Variants in LRRTM4 observed in about 807,000 individuals in gnomAD.
LRRTM4 encodes the protein leucine-rich repeat transmembrane neuronal protein 4.
A neutral mutation model predicts 47.6 loss-of-function variants in LRRTM4; 25 were observed. That is an observed-to-expected ratio of 0.53 (90% CI 0.38 to 0.73). LRRTM4 has a LOEUF of 0.73. Ranked by LOEUF, LRRTM4 falls within the 30% of genes least tolerant of loss-of-function variation. LRRTM4 has a pLI of 0.00. For synonymous variants in LRRTM4, 311 were observed against 269.5 expected (o/e 1.15, Z -1.51); for missense variants, 638 against 713.4 (o/e 0.89, Z 1.20).
intron 3 of LRRTM4, among the ~76,000 whole-genome samples, chr2:76,765,574 A>C (rs556226383): frequency 2.6e-5 from 4 of 152,246 alleles, no homozygotes; most frequent in African/African-American, 4.8e-5. Flanking sequence ...GATGCTAGAG[A>C]GTTCTTTTTC....
At chr2:76,783,809 T>G (rs1674522156) in intron 3 of LRRTM4, among the ~76,000 whole-genome samples, 1 of 152,136 alleles carries the variant, frequency 6.6e-6, no homozygotes, top group South Asian at 2.1e-4. Context: ...AAAAAAGAAA[T>G]TCAGCAGTGC....
At chr2:76,911,884 C>T (rs1674070348) in intron 3 of LRRTM4, among the ~76,000 whole-genome samples, 2 of 147,186 alleles carry the variant, frequency 1.4e-5, no homozygotes, top group South Asian at 4.2e-4. Context: ...TGAAATTCTC[C>T]ACAACCCTAC....
intron 3 of LRRTM4, among the ~76,000 whole-genome samples, chr2:77,325,505 G>T (rs1670728703): frequency 6.6e-6 from 1 of 152,138 alleles, no homozygotes; most frequent in Non-Finnish European, 1.5e-5. Context: ...ATCATAAAAA[G>T]TAAAGGCAGC....
intron 3 of LRRTM4, among the ~76,000 whole-genome samples, chr2:76,958,917 G>C (rs1675764786): frequency 6.6e-6 from 1 of 151,650 alleles, no homozygotes; most frequent in South Asian, 2.1e-4. Flanking sequence ...TTCCAGGCTT[G>C]TTACTTGGAA....
At chr2:77,253,662 C>A (rs546064244) in intron 3 of LRRTM4, among the ~76,000 whole-genome samples, 1 of 151,830 alleles carries the variant, frequency 6.6e-6, no homozygotes, top group Admixed American at 6.6e-5. Context: ...TTTAAATTGT[C>A]CAACATAAAT....
intron 3 of LRRTM4, among the ~76,000 whole-genome samples, chr2:76,836,479 T>C (rs1671517169): frequency 6.6e-6 from 1 of 151,980 alleles, no homozygotes; most frequent in Non-Finnish European, 1.5e-5. Context: ...TCACCTTCGT[T>C]TTCTTTCATA....
chr2:76,880,606 A>G (rs1672901969), intron 3 of LRRTM4, among the ~76,000 whole-genome samples: 1 of 152,162 alleles, frequency 6.6e-6, no homozygotes, highest in African/African-American at 2.4e-5. Context: ...ACAGTACTTC[A>G]AGGTATGCAA....
chr2:77,243,668 C>CTAGA (rs1675338413), intron 3 of LRRTM4, among the ~76,000 whole-genome samples: 1 of 151,896 alleles, frequency 6.6e-6, no homozygotes, highest in Non-Finnish European at 1.5e-5. Context: ...AACTGTACAC[C>CTAGA]TAGACATGGT....
chr2:76,939,316 CCTTT>C (rs1675057508), intron 3 of LRRTM4, among the ~76,000 whole-genome samples: 1 of 152,122 alleles, frequency 6.6e-6, no homozygotes, highest in South Asian at 2.1e-4. Flanking sequence ...CCATAAGCTA[CCTTT>C]CTTTCACTTT....
chr2:77,353,572 G>C (rs1671861802), intron 3 of LRRTM4, among the ~76,000 whole-genome samples: 1 of 152,066 alleles, frequency 6.6e-6, no homozygotes, highest in South Asian at 2.1e-4. Flanking sequence ...ACCTTATGTA[G>C]GGGGATAATG....
intron 3 of LRRTM4, among the ~76,000 whole-genome samples, chr2:77,122,591 T>G (rs1347252467): frequency 6.6e-6 from 1 of 151,404 alleles, no homozygotes; most frequent in African/African-American, 2.4e-5. Context: ...ATTTTGGACA[T>G]GCACACACCA....
At chr2:77,489,140 A>C (rs1170039461) in intron 3 of LRRTM4, among the ~76,000 whole-genome samples, 2 of 152,138 alleles carry the variant, frequency 1.3e-5, no homozygotes, top group Non-Finnish European at 2.9e-5. Flanking sequence ...TGGTCTCTAT[A>C]TATCTTGATT....
At chr2:77,133,551 T>G (rs1671856884) in intron 3 of LRRTM4, among the ~76,000 whole-genome samples, 1 of 152,180 alleles carries the variant, frequency 6.6e-6, no homozygotes, top group African/African-American at 2.4e-5. Flanking sequence ...AAGATACCAT[T>G]TGGACTTCAT....
At chr2:76,909,074 C>T (rs1673954874) in intron 3 of LRRTM4, among the ~76,000 whole-genome samples, 1 of 152,158 alleles carries the variant, frequency 6.6e-6, no homozygotes, top group African/African-American at 2.4e-5. Context: ...GGAGGCATCA[C>T]ACTACCTGAC....
intron 3 of LRRTM4, among the ~76,000 whole-genome samples, chr2:76,997,904 C>A (rs925888384): frequency 6.6e-6 from 1 of 151,852 alleles, no homozygotes; most frequent in African/African-American, 2.4e-5. Flanking sequence ...GTGAACTGCG[C>A]ATGTGAGGGA....
intron 3 of LRRTM4, among the ~76,000 whole-genome samples, chr2:76,977,916 T>A (rs1408840091): frequency 6.6e-6 from 1 of 151,984 alleles, no homozygotes; most frequent in Admixed American, 6.6e-5. Flanking sequence ...TTGATAAATA[T>A]GTCTAAGAAA....
intron 3 of LRRTM4, among the ~76,000 whole-genome samples, chr2:77,449,295 A>AT (rs1676167598): frequency 6.6e-6 from 1 of 152,106 alleles, no homozygotes; most frequent in South Asian, 2.1e-4. Flanking sequence ...GAATGAGAGG[A>AT]TTTTTTCAAA....
chr2:77,147,611 A>T (rs1672294146), intron 3 of LRRTM4, among the ~76,000 whole-genome samples: 1 of 152,146 alleles, frequency 6.6e-6, no homozygotes, highest in South Asian at 2.1e-4. Context: ...TTTTTTTCCA[A>T]ATTCTGTCCA....
intron 3 of LRRTM4, among the ~76,000 whole-genome samples, chr2:77,218,572 A>ATGTC (rs1044144271): frequency 1.3e-5 from 2 of 151,802 alleles, no homozygotes; most frequent in Middle Eastern, 3.4e-3. Context: ...AATGGTTTTA[A>ATGTC]TGTCTCACCA....
Sources: allele counts gnomAD v4.1 joint callset (sites outside exome capture counted in the v4.1 genomes callset), GRCh38; gene constraint gnomAD v4.1.1; transcripts MANE v1.5; gene names NCBI Gene and HGNC (gene_info 2026-07-23, HGNC 2026-07-21).